The following HYCC1 variants were observed in gnomAD, a reference collection of about 807,000 sequenced individuals.
HYCC1 encodes the protein hyccin PI4KA lipid kinase complex subunit 1.
the HYCC1 span, among the ~76,000 whole-genome samples, chr7:22,963,731 CA>C: frequency 1.3e-5 from 2 of 152,138 alleles, no homozygotes; most frequent in Non-Finnish European, 2.9e-5. Flanking sequence ...GACTGTATTG[CA>C]AAAAACTTGA....
the HYCC1 span, among the ~76,000 whole-genome samples, chr7:22,933,373 T>C: frequency 6.6e-6 from 1 of 152,228 alleles, no homozygotes. Context: ...TTCATAATTG[T>C]TATATTTTTG....
At chr7:22,908,936 A>G in the HYCC1 span, among the ~76,000 whole-genome samples, 7 of 152,208 alleles carry the variant, frequency 4.6e-5, no homozygotes, top group African/African-American at 1.4e-4. Context: ...CTGAGCCCCA[A>G]TAAAAACTCT....
the HYCC1 span, among the ~76,000 whole-genome samples, chr7:23,000,398 C>T: frequency 6.6e-6 from 1 of 151,898 alleles, no homozygotes; most frequent in Non-Finnish European, 1.5e-5. Context: ...ATATAGATAT[C>T]TGCTCAACCA....
At chr7:22,941,201 A>G in the HYCC1 span, 1 of 152,154 alleles carries the variant, frequency 6.6e-6, no homozygotes, top group African/African-American at 2.4e-5. Flanking sequence ...CCTTCATATC[A>G]AAACTTCTGC....
chr7:22,899,471 A>G, the HYCC1 span, among the ~76,000 whole-genome samples: 1 of 152,208 alleles, frequency 6.6e-6, no homozygotes, highest in Non-Finnish European at 1.5e-5. Context: ...GAGACTGACC[A>G]ACCTGTCCCT....
At chr7:22,970,471 C>G in the HYCC1 span, among the ~76,000 whole-genome samples, 3 of 152,150 alleles carry the variant, frequency 2.0e-5, no homozygotes, top group African/African-American at 7.2e-5. Context: ...TTCCTGACCT[C>G]TTGAAGTTTC....
chr7:22,935,668 CAG>C, the HYCC1 span: 1 of 152,096 alleles, frequency 6.6e-6, no homozygotes, highest in African/African-American at 2.4e-5. Context: ...TATTTAGAGA[CAG>C]AGTCTTCCTC....
chr7:22,973,585 T>G, the HYCC1 span, among the ~76,000 whole-genome samples: 32 of 152,152 alleles, frequency 2.1e-4, no homozygotes, highest in Non-Finnish European at 3.5e-4. Flanking sequence ...TTTCCCCCAC[T>G]CTTGTTTTTT....
the HYCC1 span, chr7:22,978,101 C>A: frequency 7.2e-5 from 47 of 649,524 alleles, no homozygotes; most frequent in Non-Finnish European, 3.5e-5. Context: ...ATTACATGTA[C>A]GCTTGTATGT....
the HYCC1 span, among the ~76,000 whole-genome samples, chr7:22,930,410 A>C: frequency 6.6e-6 from 1 of 151,218 alleles, no homozygotes; most frequent in Non-Finnish European, 1.5e-5. Context: ...AAAAAAGAAA[A>C]GAAAGAAGAA....
the HYCC1 span, among the ~76,000 whole-genome samples, chr7:22,902,264 T>C: frequency 5.1e-4 from 78 of 152,032 alleles, 1 homozygote; most frequent in South Asian, 2.5e-3. Context: ...ATATATGGGA[T>C]GTGGGTAAAG....
the HYCC1 span, among the ~76,000 whole-genome samples, chr7:22,980,804 T>G: frequency 6.6e-5 from 10 of 152,118 alleles, no homozygotes; most frequent in Non-Finnish European, 1.5e-4. Flanking sequence ...TGTAGGTCTT[T>G]CAAAAAACAG....
At chr7:22,906,019 A>T in the HYCC1 span, among the ~76,000 whole-genome samples, 2 of 152,200 alleles carry the variant, frequency 1.3e-5, no homozygotes, top group Non-Finnish European at 2.9e-5. Flanking sequence ...ATCTGGAAAG[A>T]TTAGTAAGAC....
the HYCC1 span, among the ~76,000 whole-genome samples, chr7:22,901,646 A>G: frequency 2.0e-5 from 3 of 152,332 alleles, no homozygotes; most frequent in African/African-American, 4.8e-5. Context: ...TTGATATCAG[A>G]TTAAATAAAC....
At chr7:22,937,759 CAA>C in the HYCC1 span, 1 of 151,754 alleles carries the variant, frequency 6.6e-6, no homozygotes, top group East Asian at 1.9e-4. Context: ...GTGAGGGAGA[CAA>C]ATATGAGAAA....
the HYCC1 span, among the ~76,000 whole-genome samples, chr7:22,968,409 A>G: frequency 6.6e-6 from 1 of 152,206 alleles, no homozygotes; most frequent in African/African-American, 2.4e-5. Context: ...GAATCCCCAG[A>G]CAGAAGCAAC....
the HYCC1 span, among the ~76,000 whole-genome samples, chr7:22,989,338 GT>G: frequency 1.0e-4 from 15 of 150,016 alleles, no homozygotes; most frequent in African/African-American, 3.2e-4. Context: ...TTTAATCAAA[GT>G]TTTTTGTTTT....
chr7:22,946,930 G>C, the HYCC1 span: 1 of 1,532,668 alleles, frequency 6.5e-7, no homozygotes, highest in South Asian at 1.2e-5. Flanking sequence ...ACATGCATCA[G>C]TGGCCCTTTG....
the HYCC1 span, among the ~76,000 whole-genome samples, chr7:22,985,245 G>A: frequency 6.6e-6 from 1 of 152,034 alleles, no homozygotes; most frequent in Non-Finnish European, 1.5e-5. Flanking sequence ...TTAGTATATA[G>A]GTGGATGTGT....
Sources: allele counts gnomAD v4.1 joint callset (sites outside exome capture counted in the v4.1 genomes callset), GRCh38; gene constraint gnomAD v4.1.1; transcripts MANE v1.5; gene names NCBI Gene and HGNC (gene_info 2026-07-23, HGNC 2026-07-21).